The following ATXN8OS variants were observed in gnomAD, a reference collection of about 807,000 sequenced individuals.
The protein encoded by ATXN8OS is ATXN8 opposite strand (non-protein coding).
rs1888375159 is a variant in ATXN8OS, at chr13:70,122,570, T to C, written n.399-7214T>C. ...CAAATGTGTACGGCTGAGAAATAAATAAACTGAAACTCTCCATGAGTCAAA... is the reference window on the plus strand; with the variant it reads ...CAAATGTGTACGGCTGAGAAATAAACAAACTGAAACTCTCCATGAGTCAAA... On this transcript the variant is annotated intron_variant and non_coding_transcript_variant, in intron 2 of 4. Transcript: ENST00000678624. Among the ~76,000 whole-genome samples, 4 of 152,042 alleles carry C rather than the reference T, an allele frequency of 2.6e-5. No individual in the cohort carries two copies. The South Asian group carries it at 8.3e-4, about 31-fold the overall frequency.
chr13:70,139,165 T>C (rs777354824), intron 3 of ATXN8OS: 9 of 412,248 alleles, frequency 2.2e-5, no homozygotes, highest in Non-Finnish European at 3.9e-5. Context: ...CCTGTCATTC[T>C]AGTTTTTACT....
chr13:70,146,820 C>A (rs1285882055), intron 3 of ATXN8OS, among the ~76,000 whole-genome samples: 1 of 151,918 alleles, frequency 6.6e-6, no homozygotes, highest in African/African-American at 2.4e-5. Context: ...TGCTAAATGA[C>A]AAGTTAATGG....
chr13:70,146,432 A>G (rs1888787796), intron 3 of ATXN8OS, among the ~76,000 whole-genome samples: 1 of 152,112 alleles, frequency 6.6e-6, no homozygotes, highest in African/African-American at 2.4e-5. Flanking sequence ...CCAAAGGGCT[A>G]TAAATCATGC....
At chr13:70,146,890 T>C (rs1289234771) in intron 3 of ATXN8OS, among the ~76,000 whole-genome samples, 1 of 152,206 alleles carries the variant, frequency 6.6e-6, no homozygotes, top group Non-Finnish European at 1.5e-5. Flanking sequence ...ATTGTGCACA[T>C]GTACCCTAAA....
At chr13:70,123,760 A>AT (rs1282434350) in intron 2 of ATXN8OS, among the ~76,000 whole-genome samples, 1 of 152,134 alleles carries the variant, frequency 6.6e-6, no homozygotes, top group Admixed American at 6.6e-5. Flanking sequence ...TACACAGAAA[A>AT]TTCTCATAAT....
intron 3 of ATXN8OS, among the ~76,000 whole-genome samples, chr13:70,138,104 T>A (rs143719362): frequency 6.6e-6 from 1 of 152,196 alleles, no homozygotes; most frequent in Non-Finnish European, 1.5e-5. Flanking sequence ...TCCTCCAACA[T>A]TGGGGCTTAC....
At chr13:70,112,156 A>G (rs1378740127) in intron 1 of ATXN8OS, among the ~76,000 whole-genome samples, 2 of 152,098 alleles carry the variant, frequency 1.3e-5, no homozygotes, top group African/African-American at 4.8e-5. Flanking sequence ...CACACTTTCA[A>G]ATAACCAGAT....
intron 4 of ATXN8OS, among the ~76,000 whole-genome samples, chr13:70,154,169 T>G (rs1888907876): frequency 6.6e-6 from 1 of 152,176 alleles, no homozygotes; most frequent in Admixed American, 6.5e-5. Context: ...ATTTTAAAAA[T>G]AATGCTCTAA....
intron 3 of ATXN8OS, among the ~76,000 whole-genome samples, chr13:70,136,423 C>T (rs1295027501): frequency 1.3e-5 from 2 of 151,638 alleles, no homozygotes; most frequent in African/African-American, 4.8e-5. Flanking sequence ...CAAATTGTAT[C>T]CTACTTTTTT....
intron 4 of ATXN8OS, among the ~76,000 whole-genome samples, chr13:70,162,488 C>A (rs1486576941): frequency 1.3e-5 from 2 of 151,974 alleles, no homozygotes; most frequent in Non-Finnish European, 2.9e-5. Context: ...TTTGTGCAAC[C>A]CAAGCAGAAG....
At chr13:70,107,787 G>T (rs555272767) in exon 1 of ATXN8OS, 5 of 1,043,156 alleles carry the variant, frequency 4.8e-6, no homozygotes, top group Middle Eastern at 3.1e-4. Context: ...CCCGGGGGCG[G>T]AGGAAGAGGC....
chr13:70,115,380 C>A, intron 2 of ATXN8OS: 1 of 396,942 alleles, frequency 2.5e-6, no homozygotes, highest in Non-Finnish European at 4.4e-6. Context: ...AGGCTCACTT[C>A]CCAACACTGT....
intron 3 of ATXN8OS, among the ~76,000 whole-genome samples, chr13:70,133,084 G>A (rs551004242): frequency 2.0e-5 from 3 of 152,238 alleles, no homozygotes; most frequent in South Asian, 2.1e-4. Flanking sequence ...ATAGAGCTAG[G>A]AGAGGCAGTT....
intron 3 of ATXN8OS, among the ~76,000 whole-genome samples, chr13:70,143,778 T>C (rs1386019004): frequency 6.6e-6 from 1 of 152,200 alleles, no homozygotes; most frequent in Non-Finnish European, 1.5e-5. Context: ...GCTTGATCTC[T>C]CTAGAAATAA....
chr13:70,150,166 T>C (rs779814841), intron 4 of ATXN8OS, among the ~76,000 whole-genome samples: 2 of 152,050 alleles, frequency 1.3e-5, no homozygotes, highest in Non-Finnish European at 2.9e-5. Flanking sequence ...AGCCTTCCTA[T>C]CCTAAATTCA....
At chr13:70,146,144 C>T (rs9592678) in intron 3 of ATXN8OS, among the ~76,000 whole-genome samples, 23,281 of 146,382 alleles carry the variant, frequency 0.16, 1,925 homozygotes, top group East Asian at 0.23. Context: ...TTTTATGCAG[C>T]CAAAAAACAC....
chr13:70,112,317 T>A (rs561186643), intron 1 of ATXN8OS, among the ~76,000 whole-genome samples: 1 of 152,290 alleles, frequency 6.6e-6, no homozygotes, highest in East Asian at 1.9e-4. Flanking sequence ...CATACATTAA[T>A]ATAAAATATT....
chr13:70,150,660 C>T (rs1028417402), intron 4 of ATXN8OS, among the ~76,000 whole-genome samples: 23 of 151,918 alleles, frequency 1.5e-4, no homozygotes, highest in African/African-American at 5.3e-4. Context: ...TGTTGAAAGG[C>T]CTAATAAGCA....
chr13:70,136,837 C>T (rs117168439), intron 3 of ATXN8OS, among the ~76,000 whole-genome samples: 3,220 of 152,166 alleles, frequency 0.021, 49 homozygotes, highest in Non-Finnish European at 0.032. Flanking sequence ...ATAAACGTTT[C>T]GTAGGGAAAT....
Sources: allele counts gnomAD v4.1 joint callset (sites outside exome capture counted in the v4.1 genomes callset), GRCh38; gene constraint gnomAD v4.1.1; transcripts MANE v1.5; gene names NCBI Gene and HGNC (gene_info 2026-07-23, HGNC 2026-07-21).